Variants in TRIM44 observed in about 807,000 individuals in gnomAD.
TRIM44 encodes tripartite motif-containing protein 44.
A neutral mutation model predicts 37.4 loss-of-function variants in TRIM44; 13 were observed. That is an observed-to-expected ratio of 0.35 (90% CI 0.23 to 0.55). The LOEUF (loss-of-function observed/expected upper bound fraction) is 0.55. TRIM44 is among the 20% of genes least tolerant of loss of function. The pLI is 0.89. For synonymous variants in TRIM44, 175 were observed against 157.2 expected, an observed-to-expected ratio of 1.11 and a Z score of -0.85; for missense variants, 426 against 437.2, an observed-to-expected ratio of 0.97 and a Z score of 0.23.
At chr11:35,720,320 C>T (rs946598677) in intron 2 of TRIM44, among the ~76,000 whole-genome samples, 4 of 151,758 alleles carry the variant, frequency 2.6e-5, no homozygotes, top group Non-Finnish European at 5.9e-5. Flanking sequence ...AACTTAAAAT[C>T]GCGCTTGTTC....
chr11:35,706,849 G>T (rs1242997389), intron 2 of TRIM44, among the ~76,000 whole-genome samples: 1 of 151,158 alleles, frequency 6.6e-6, no homozygotes, highest in African/African-American at 2.4e-5. Context: ...TTGAAAACTG[G>T]CACAAGACAG....
At chr11:35,793,076 C>T (rs77062913) in intron 4 of TRIM44, among the ~76,000 whole-genome samples, 6 of 151,644 alleles carry the variant, frequency 4.0e-5, no homozygotes, top group African/African-American at 1.5e-4. Flanking sequence ...TTGCTGGAGC[C>T]CACAAGAACC....
chr11:35,782,595 C>G (rs1468554376), intron 4 of TRIM44, among the ~76,000 whole-genome samples: 1 of 152,074 alleles, frequency 6.6e-6, no homozygotes, highest in Admixed American at 6.5e-5. Context: ...AGAGCTGCAG[C>G]TTTGGGTATT....
chr11:35,772,133 A>G (rs1354816847), intron 4 of TRIM44, among the ~76,000 whole-genome samples: 2 of 152,350 alleles, frequency 1.3e-5, no homozygotes, highest in South Asian at 2.1e-4. Context: ...GACAGCTGCC[A>G]CATGGTGTTG....
rs1853509957 is a variant in TRIM44, at chr11:35,810,076, A to T, written c.*3691A>T. ...GCTCCTAAGGCACTGAGTCAAAGTG[A>T]CAGCCCTGAAGGAAATTGCACTCCA... On this transcript the variant is annotated 3_prime_UTR_variant, in exon 5 of 5. Coordinates refer to ENST00000299413, the MANE Select transcript of TRIM44 (RefSeq NM_017583.6). 1 of 152,170 alleles carries T rather than the reference A, an allele frequency of 6.6e-6. No individual in the cohort carries two copies. The highest frequency in any genetic ancestry group is 1.5e-5 in the Non-Finnish European group (1 of 68,026). The allele number at this position is 152,170 out of a possible 1,614,324, so 9.4% of individuals were successfully genotyped here. A position where few individuals can be genotyped will look rare whatever the true frequency, so the allele number is the denominator to read the frequency against.
At chr11:35,769,401 A>T (rs1239935903) in intron 4 of TRIM44, among the ~76,000 whole-genome samples, 1 of 152,204 alleles carries the variant, frequency 6.6e-6, no homozygotes, top group East Asian at 1.9e-4. Context: ...GGGGGCTGGA[A>T]ATGCAGAGGA....
At chr11:35,726,212 C>G in intron 3 of TRIM44, 49 bp downstream of exon 3, 1 of 1,600,340 alleles carries the variant, frequency 6.2e-7, no homozygotes, top group Non-Finnish European at 8.5e-7. Context: ...TAGGAGGAAA[C>G]TGATGCCATA....
intron 2 of TRIM44, 99 bp from the exon 3 acceptor site, chr11:35,725,825 C>A: frequency 1.5e-6 from 2 of 1,308,244 alleles, no homozygotes; most frequent in Non-Finnish European, 2.1e-6. Context: ...TGGATAGGAT[C>A]CATGGTGTGT....
rs143805126 is a variant in TRIM44, at chr11:35,783,969, G to A, written c.1008-22389G>A. Among the ~76,000 whole-genome samples the A allele has an allele frequency of 1.8e-3, 275 of 152,330 alleles. 1 individual carries two copies. Among genetic ancestry groups the A allele is most frequent in the African/African-American group, 4.0e-3 (168 of 41,578 alleles). ...GTTGCAGATGTACTTGGTGGCAGCAGTCACCCCATCTATCAGCCTCACACT... is the reference window on the plus strand; with the variant it reads ...GTTGCAGATGTACTTGGTGGCAGCAATCACCCCATCTATCAGCCTCACACT... On this transcript the variant is annotated intron_variant, in intron 4 of 4. Transcript: ENST00000299413.
intron 2 of TRIM44, among the ~76,000 whole-genome samples, chr11:35,697,072 T>G (rs1039585839): frequency 5.3e-5 from 8 of 152,172 alleles, no homozygotes; most frequent in Non-Finnish European, 1.2e-4. Flanking sequence ...AAACCTTTTT[T>G]TTTTATTATA....
intron 4 of TRIM44, 131 bp from the exon 5 acceptor site, chr11:35,806,227 T>C (rs1565042228): frequency 2.1e-6 from 2 of 936,260 alleles, no homozygotes; most frequent in Non-Finnish European, 3.4e-6. Context: ...TTTGGCCATA[T>C]TGCTCAATCA....
rs370406963 is a variant in TRIM44, at chr11:35,814,753, G to A, written c.*8368G>A. 1.3e-5 allele frequency: 2 copies of A among 152,036 alleles called. No homozygotes were observed. Among genetic ancestry groups the A allele is most frequent in the Non-Finnish European group, 2.9e-5 (2 of 68,022 alleles). The allele number at this position is 152,036 out of a possible 1,614,324, so 9.4% of individuals were successfully genotyped here. A position where few individuals can be genotyped will look rare whatever the true frequency, so the allele number is the denominator to read the frequency against. ...TCACTTGCTATAACATTCTCTGTCC[G>A]TCTTTTTTCTTTTATGTAAATACTT... On this transcript the variant is annotated 3_prime_UTR_variant, in exon 5 of 5. Coordinates refer to ENST00000299413, the MANE Select transcript of TRIM44 (RefSeq NM_017583.6).
intron 1 of TRIM44, among the ~76,000 whole-genome samples, chr11:35,682,974 C>T (rs1383601174): frequency 6.6e-6 from 1 of 152,052 alleles, no homozygotes; most frequent in African/African-American, 2.4e-5. Context: ...TTAAAATGGG[C>T]GCTGGCAGCT....
chr11:35,695,589 T>C (rs1016276073), intron 2 of TRIM44, among the ~76,000 whole-genome samples: 2 of 152,152 alleles, frequency 1.3e-5, no homozygotes, highest in Admixed American at 6.6e-5. Context: ...TAGGATCCTT[T>C]TCATCCTTTC....
intron 2 of TRIM44, among the ~76,000 whole-genome samples, chr11:35,716,052 A>T (rs555404025): frequency 6.6e-6 from 1 of 152,310 alleles, no homozygotes; most frequent in South Asian, 2.1e-4. Flanking sequence ...GATCCAAACC[A>T]TATCCAAAAG....
intron 2 of TRIM44, among the ~76,000 whole-genome samples, chr11:35,717,829 A>ATT (rs112299891): frequency 0.013 from 1,910 of 146,296 alleles, 43 homozygotes; most frequent in African/African-American, 0.045. Flanking sequence ...TCAGAGCCTC[A>ATT]TTTTTTTTTT....
At chr11:35,672,128 GCTTTAGATATA>G (rs1851400156) in intron 1 of TRIM44, among the ~76,000 whole-genome samples, 1 of 152,158 alleles carries the variant, frequency 6.6e-6, no homozygotes, top group African/African-American at 2.4e-5. Flanking sequence ...CAATAAAAGT[GCTTTAGATATA>G]CTCAGTAGTC....
intron 1 of TRIM44, among the ~76,000 whole-genome samples, chr11:35,678,565 T>C (rs1428946120): frequency 3.3e-5 from 5 of 152,128 alleles, no homozygotes; most frequent in Admixed American, 3.3e-4. Flanking sequence ...TCTGATTTGA[T>C]TCCTTAGGAG....
chr11:35,742,894 G>A (rs982329803), intron 4 of TRIM44, among the ~76,000 whole-genome samples: 8 of 149,356 alleles, frequency 5.4e-5, no homozygotes, highest in Admixed American at 1.4e-4. Flanking sequence ...TCGCAGAGAG[G>A]TTATACACTC....
Sources: gnomAD v4.1 joint callset for allele counts (sites outside exome capture counted in the v4.1 genomes callset) on GRCh38, gnomAD v4.1.1 for gene constraint, MANE v1.5 for transcripts, NCBI Gene and HGNC (gene_info 2026-07-23, HGNC 2026-07-21) for gene names.